Variants in ZNF511 observed in about 807,000 individuals in gnomAD.
ZNF511 encodes the protein zinc finger protein 511.
ZNF511 carries 26 observed loss-of-function variants against 24.8 expected under a neutral mutation model. The observed-to-expected ratio is 1.05, with a 90% CI of 0.77 to 1.46. The LOEUF is 1.46. Among genes scored for constraint, ZNF511 ranks in the 40% most tolerant of loss-of-function variants. The pLI is 0.00. For missense variants in ZNF511, 358 were observed against 345.0 expected (o/e 1.04, Z -0.30); for synonymous variants, 144 against 139.6 (o/e 1.03, Z -0.22).
intron 5 of ZNF511, chr10:133,312,263 T>G (rs1362322247): frequency 3.0e-6 from 4 of 1,324,348 alleles, no homozygotes; most frequent in African/African-American, 3.0e-5. Flanking sequence ...CCGTCTGCCT[T>G]TCTAGCATGA....
At position 133,312,883 on chromosome 10, in the gene ZNF511, G is replaced by T; in HGVS notation, c.*17G>T. On this transcript the variant is annotated 3_prime_UTR_variant, in exon 6 of 6. Transcript: ENST00000361518. ...CAATGCTGATAGACTCAGAAAAGGA[G>T]TGGGGGGCAGTCACCACTGCTGGGC... is the stretch of plus-strand genomic sequence containing the variant. 1.2e-6 allele frequency: 2 copies of T among 1,614,042 alleles called. No individual in the cohort carries two copies. Among genetic ancestry groups the T allele is most frequent in the Admixed American group, 1.7e-5 (1 of 60,022 alleles).
In ZNF511 at chr10:133,309,850, A is replaced by G; in HGVS notation, c.302A>G (p.Tyr101Cys). 6.2e-7 allele frequency: 1 copy of G among 1,613,716 alleles called. No homozygotes were observed. The highest frequency in any genetic ancestry group is 8.5e-7 in the Non-Finnish European group (1 of 1,179,988). The stretch of plus-strand genomic sequence containing the variant: ...GCCCTGGACGACTACGAGCACCACT[A>G]CCACACGCTGCACGGAAATGTTTGC... ...FDALDDYEHH[Y>C]HTLHGNVCSF... is the part of the protein sequence containing the mutation. Residue 101 changes from tyrosine (Y) to cysteine (C), a missense_variant, in exon 3 of 6, where the codon TAC (tyrosine) becomes TGC (cysteine). Tyr to Cys is a radical substitution (Grantham distance 194). Transcript: ENST00000361518.
At chr10:133,312,702 A>G (rs1454645512) in intron 5 of ZNF511, 86 bp from the exon 6 acceptor site, 2 of 1,602,328 alleles carry the variant, frequency 1.2e-6, no homozygotes, top group African/African-American at 2.7e-5. Flanking sequence ...GTGAAAGAGA[A>G]TGAGAAGGAG....
In ZNF511 at chr10:133,309,953, G is replaced by A; in HGVS notation, c.405G>A (p.Gln135=). 1 of 1,613,252 alleles carries A rather than the reference G, an allele frequency of 6.2e-7. No homozygotes were observed. The highest frequency in any genetic ancestry group is 8.5e-7 in the Non-Finnish European group (1 of 1,179,970). ...TGGAGTGGCACGATTCGCTCTTCCAGATCCTGTCTGAGAGGCAGGACATGG... is the reference window on the plus strand; with the variant it reads ...TGGAGTGGCACGATTCGCTCTTCCAAATCCTGTCTGAGAGGCAGGACATGG... ...HILEWHDSLF[Q]ILSERQDMYQ... is the part of the protein sequence containing the mutation. Residue 135 remains glutamine, a synonymous_variant, in exon 3 of 6, where the codon CAG becomes CAA. Coordinates refer to ENST00000361518, the MANE Select transcript of ZNF511 (RefSeq NM_145806.4).
In ZNF511 at chr10:133,313,157, A is replaced by G; in HGVS notation, c.*291A>G. The G allele has an allele frequency of 3.7e-6, 2 of 535,838 alleles. No homozygotes were observed. The highest frequency in any genetic ancestry group is 5.7e-5 in the South Asian group (2 of 35,044). 33.2% of individuals were successfully genotyped at this position (535,838 alleles called of 1,614,324 possible). On this transcript the variant is annotated 3_prime_UTR_variant, in exon 6 of 6. Transcript: ENST00000361518. ...TAAACACATGAAATAAGTATTTTTC[A>G]CTGATGGTCTTGAGTCTTCATTTCT...
At position 133,308,977 on chromosome 10, in the gene ZNF511, G is replaced by A. The variant is rs1221068695; in HGVS notation, c.34G>A (p.Ala12Thr). 1.6e-6 allele frequency: 2 copies of A among 1,243,528 alleles called. No homozygotes were observed. Among genetic ancestry groups the A allele is most frequent in the Non-Finnish European group, 2.0e-6 (2 of 986,316 alleles). The allele number at this position is 1,243,528 out of a possible 1,614,324, so 77.0% of individuals were successfully genotyped here. Residue 12 changes from alanine to threonine, a missense_variant, in exon 1 of 6, where the codon GCT (alanine) becomes ACT (threonine). Transcript: ENST00000361518. ...GCCCCCCGCGCTGTGCGCCCGCCTC[G>A]CTGCGGGGCCCGGGGCGGCGGAGCC... ...QLPPALCARL[A>T]AGPGAAEPLP...
chr10:133,310,765 C>T (rs180967844), intron 4 of ZNF511, among the ~76,000 whole-genome samples: 99 of 152,242 alleles, frequency 6.5e-4, no homozygotes, highest in Non-Finnish European at 1.2e-3. Flanking sequence ...TTAACATGTT[C>T]CTGCCTAGAG....
chr10:133,312,780 C>T lies in ZNF511; in HGVS notation c.681-8C>T, dbSNP rs755246004. ...ACAGCATCTAATAGAAACTTTCTTC[C>T]ATCCCAGAATACCCTCTACCATCTG... On this transcript the variant is annotated splice_polypyrimidine_tract_variant and splice_region_variant and intron_variant, in intron 5 of 5. Coordinates refer to ENST00000361518, the MANE Select transcript of ZNF511 (RefSeq NM_145806.4). The T allele has an allele frequency of 1.9e-6, 3 of 1,614,098 alleles. No individual in the cohort carries two copies. The highest frequency in any genetic ancestry group is 1.1e-5 in the South Asian group (1 of 91,092).
At position 133,312,867 on chromosome 10, in the gene ZNF511, T is replaced by C. The variant is rs761887969; in HGVS notation, c.*1T>C. 14 of 1,614,056 alleles carry C rather than the reference T, an allele frequency of 8.7e-6. No homozygotes were observed. Among genetic ancestry groups the C allele is most frequent in the African/African-American group, 2.7e-5 (2 of 74,936 alleles). On this transcript the variant is annotated 3_prime_UTR_variant, in exon 6 of 6. Coordinates refer to ENST00000361518, the MANE Select transcript of ZNF511 (RefSeq NM_145806.4). ...CAAGAAGAAAACCAAACAATGCTGA[T>C]AGACTCAGAAAAGGAGTGGGGGGCA...
chr10:133,312,331 GATTTTAAATTA>G, intron 5 of ZNF511: 4 of 1,171,612 alleles, frequency 3.4e-6, no homozygotes, highest in Non-Finnish European at 4.2e-6. Flanking sequence ...AGTTAAAGTT[GATTTTAAATTA>G]ATTTGGGAAA....
chr10:133,309,556 G>T, intron 2 of ZNF511, 93 bp downstream of exon 2: 1 of 1,448,214 alleles, frequency 6.9e-7, no homozygotes, highest in Non-Finnish European at 9.5e-7. Context: ...GCTCTTCCAT[G>T]TGCGGCCGCC....
intron 1 of ZNF511, 146 bp from the exon 2 acceptor site, chr10:133,309,244 G>T (rs1847925693): frequency 7.8e-7 from 1 of 1,287,588 alleles, no homozygotes; most frequent in Admixed American, 2.7e-5. Context: ...TGGTGGGGCG[G>T]GGCCGGAACG....
At chr10:133,310,615 G>A (rs1019282029) in intron 4 of ZNF511, 19 of 353,460 alleles carry the variant, frequency 5.4e-5, no homozygotes, top group South Asian at 8.2e-5. Context: ...GCAGTCGGCC[G>A]TGGTCATCCG....
At chr10:133,309,141 G>A (rs956619102) in intron 1 of ZNF511, 45 bp downstream of exon 1, 6 of 1,384,766 alleles carry the variant, frequency 4.3e-6, no homozygotes, top group East Asian at 2.8e-5. Flanking sequence ...GATCCAGTGG[G>A]GCCTACGGCG....
chr10:133,310,725 C>T (rs1471005389), intron 4 of ZNF511, among the ~76,000 whole-genome samples: 3 of 152,186 alleles, frequency 2.0e-5, no homozygotes, highest in Non-Finnish European at 4.4e-5. Flanking sequence ...GTTGGTTGTG[C>T]GCATATGAAC....
At chr10:133,312,662 G>C in intron 5 of ZNF511, 126 bp from the exon 6 acceptor site, 1 of 1,556,042 alleles carries the variant, frequency 6.4e-7, no homozygotes, top group Non-Finnish European at 8.7e-7. Flanking sequence ...GGCCCAGGAG[G>C]GCCGGCTCTG....
chr10:133,310,008 A>AC (rs750521567), intron 3 of ZNF511, 31 bp downstream of exon 3: 5 of 1,611,010 alleles, frequency 3.1e-6, no homozygotes, highest in East Asian at 2.2e-5. Flanking sequence ...CGCCGAGGCC[A>AC]CCCCCCATTG....
intron 5 of ZNF511, 27 bp downstream of exon 5, chr10:133,311,868 C>T: frequency 6.2e-7 from 1 of 1,613,296 alleles, no homozygotes; most frequent in Non-Finnish European, 8.5e-7. Flanking sequence ...TTTCTGAAAC[C>T]CGTTCTCAAC....
At chr10:133,311,518 T>C (rs571669116) in intron 4 of ZNF511, 198 bp from the exon 5 acceptor site, 15 of 573,476 alleles carry the variant, frequency 2.6e-5, no homozygotes, top group African/African-American at 2.0e-4. Flanking sequence ...GACTCTATTA[T>C]ATAAACAATG....
Sources: allele counts gnomAD v4.1 joint callset (sites outside exome capture counted in the v4.1 genomes callset), GRCh38; gene constraint gnomAD v4.1.1; transcripts MANE v1.5; gene names NCBI Gene and HGNC (gene_info 2026-07-23, HGNC 2026-07-21).